MKLN1: variants seen among roughly 807,000 people sequenced by gnomAD.
The protein encoded by MKLN1 is muskelin 1, also known as muskelin.
MKLN1 carries 18 observed loss-of-function variants against 99.0 expected under a neutral mutation model. The ratio of observed to expected loss-of-function variants is 0.18; its 90% confidence interval spans 0.13 to 0.27. The LOEUF (loss-of-function observed/expected upper bound fraction) is 0.27, where lower values mean the gene tolerates loss of function less well. MKLN1 is among the 10% of genes least tolerant of loss of function. The probability of loss-of-function intolerance (pLI) is 1.00; values close to 1 mark genes in which losing one functional copy is unlikely to be tolerated. For missense variants in MKLN1, 621 were observed against 875.9 expected, an observed-to-expected ratio of 0.71 and a Z score of 3.67; for synonymous variants, 288 against 293.2, an observed-to-expected ratio of 0.98 and a Z score of 0.18.
chr7:131,238,783 C>T (rs1797360443), intron 3 of MKLN1, among the ~76,000 whole-genome samples: 1 of 152,206 alleles, frequency 6.6e-6, no homozygotes, highest in African/African-American at 2.4e-5. Context: ...TCTTGTGATT[C>T]TCCCACCTTC....
At chr7:131,130,310 C>A (rs141833999) in intron 1 of MKLN1, among the ~76,000 whole-genome samples, 1 of 152,168 alleles carries the variant, frequency 6.6e-6, no homozygotes, top group Admixed American at 6.6e-5. Flanking sequence ...TGGTGGATTC[C>A]AGAACCTACA....
intron 17 of MKLN1, among the ~76,000 whole-genome samples, chr7:131,484,485 A>G (rs1797218733): frequency 6.6e-6 from 1 of 152,178 alleles, no homozygotes; most frequent in Non-Finnish European, 1.5e-5. Context: ...ACTGGAGATT[A>G]TAATACTTCA....
At chr7:131,460,177 TC>T (rs1563359936) in intron 12 of MKLN1, among the ~76,000 whole-genome samples, 2 of 152,204 alleles carry the variant, frequency 1.3e-5, no homozygotes, top group Admixed American at 6.5e-5. Flanking sequence ...GGGTTTTTTT[TC>T]CCCCAAGTTA....
chr7:131,230,362 G>T (rs1563260360), intron 3 of MKLN1, among the ~76,000 whole-genome samples: 3 of 152,144 alleles, frequency 2.0e-5, no homozygotes, highest in Admixed American at 1.3e-4. Context: ...TTTAGTTGGA[G>T]GGCTTAGTAT....
chr7:131,439,185 G>A (rs1203020579), intron 10 of MKLN1, among the ~76,000 whole-genome samples: 1 of 152,082 alleles, frequency 6.6e-6, no homozygotes, highest in East Asian at 1.9e-4. Flanking sequence ...AAGTTAGGCT[G>A]GTTCTGATCT....
intron 3 of MKLN1, among the ~76,000 whole-genome samples, chr7:131,309,309 T>G (rs894868085): frequency 6.6e-6 from 1 of 152,184 alleles, no homozygotes; most frequent in African/African-American, 2.4e-5. Context: ...TTAATATAAG[T>G]AGAGAGTTTA....
At chr7:131,382,433 A>T (rs1159749490) in intron 2 of MKLN1, among the ~76,000 whole-genome samples, 1 of 151,668 alleles carries the variant, frequency 6.6e-6, no homozygotes, top group East Asian at 1.9e-4. Flanking sequence ...TAAAATGATT[A>T]ATGATGTTAC....
chr7:131,175,238 G>A (rs377462426), intron 2 of MKLN1, among the ~76,000 whole-genome samples: 1 of 64,430 alleles, frequency 1.6e-5, no homozygotes, highest in Non-Finnish European at 2.9e-5. Context: ...GAGATAGAAT[G>A]GATGGATGGA....
intron 3 of MKLN1, among the ~76,000 whole-genome samples, chr7:131,247,673 C>T (rs1020207163): frequency 2.6e-5 from 4 of 152,290 alleles, no homozygotes; most frequent in East Asian, 1.9e-4. Flanking sequence ...CTGGGTTGTT[C>T]CTTGGTTTCC....
chr7:131,478,913 G>A (rs1797042024), intron 17 of MKLN1: 1 of 551,608 alleles, frequency 1.8e-6, no homozygotes, highest in Non-Finnish European at 3.2e-6. Flanking sequence ...TATGCAAACA[G>A]ATAGCAATAG....
At chr7:131,391,979 G>A (rs934565778) in intron 4 of MKLN1, among the ~76,000 whole-genome samples, 1 of 152,164 alleles carries the variant, frequency 6.6e-6, no homozygotes, top group African/African-American at 2.4e-5. Flanking sequence ...AGAGGTGAAA[G>A]GAAAATTTAG....
chr7:131,450,337 A>G (rs541245590), intron 12 of MKLN1, among the ~76,000 whole-genome samples: 10 of 152,334 alleles, frequency 6.6e-5, no homozygotes, highest in South Asian at 4.1e-4. Flanking sequence ...TGAGGGCCCT[A>G]TCTTCATGGA....
intron 3 of MKLN1, among the ~76,000 whole-genome samples, chr7:131,238,462 TCAGAAGTC>T (rs1271484209): frequency 6.6e-6 from 1 of 152,156 alleles, no homozygotes; most frequent in African/African-American, 2.4e-5. Flanking sequence ...TGCAAAGAGT[TCAGAAGTC>T]CATTGGAGGT....
At chr7:131,233,502 T>C (rs1327140996) in intron 3 of MKLN1, among the ~76,000 whole-genome samples, 1 of 151,864 alleles carries the variant, frequency 6.6e-6, no homozygotes, top group East Asian at 1.9e-4. Context: ...TTTTCAGAAG[T>C]TGTGAGGCCC....
intron 14 of MKLN1, among the ~76,000 whole-genome samples, chr7:131,465,764 C>T (rs185438254): frequency 7.9e-5 from 12 of 152,274 alleles, no homozygotes; most frequent in African/African-American, 2.6e-4. Flanking sequence ...TGGTCTCAAT[C>T]TCCTGACCTC....
At chr7:131,198,723 C>T (rs541926223) in intron 2 of MKLN1, among the ~76,000 whole-genome samples, 3 of 151,962 alleles carry the variant, frequency 2.0e-5, no homozygotes, top group South Asian at 2.1e-4. Context: ...GTGAATTGAA[C>T]GGAGAGGTTT....
At chr7:131,323,796 G>A (rs1798831473), upstream of MKLN1, 1 of 152,108 alleles carries the variant, frequency 6.6e-6, no homozygotes. Flanking sequence ...GAGGACAATT[G>A]GATTGTCTGT....
intron 2 of MKLN1, among the ~76,000 whole-genome samples, chr7:131,153,637 C>T (rs994079752): frequency 2.0e-5 from 3 of 148,908 alleles, no homozygotes; most frequent in African/African-American, 7.4e-5. Flanking sequence ...GTCTGTGTAG[C>T]TACAAAATGA....
At chr7:131,139,060 A>G (rs957790526) in intron 1 of MKLN1, among the ~76,000 whole-genome samples, 2 of 152,100 alleles carry the variant, frequency 1.3e-5, no homozygotes, top group East Asian at 1.9e-4. Context: ...ACTAAGGCCT[A>G]TGTGCACCTC....
Sources: gnomAD v4.1 joint callset for allele counts (sites outside exome capture counted in the v4.1 genomes callset) on GRCh38, gnomAD v4.1.1 for gene constraint, MANE v1.5 for transcripts, NCBI Gene and HGNC (gene_info 2026-07-23, HGNC 2026-07-21) for gene names.